LEMD3: variants seen among roughly 807,000 people sequenced by gnomAD.
LEMD3 encodes inner nuclear membrane protein Man1.
LEMD3 carries 33 observed loss-of-function variants against 95.2 expected under a neutral mutation model. The ratio of observed to expected loss-of-function variants is 0.35; its 90% CI spans 0.26 to 0.46. LEMD3 has a LOEUF of 0.46. LEMD3 is among the 20% of genes least tolerant of loss of function. The pLI is 1.00. For synonymous variants in LEMD3, 525 were observed against 474.6 expected (o/e 1.11, Z -1.38); for missense variants, 1,210 against 1,192.8 (o/e 1.01, Z -0.21).
chr12:65,215,076 T>G (rs1286801469), intron 2 of LEMD3, among the ~76,000 whole-genome samples: 4 of 152,214 alleles, frequency 2.6e-5, no homozygotes, highest in African/African-American at 9.6e-5. Flanking sequence ...AGTCAAACTC[T>G]CTGTCTTGCT....
chr12:65,229,524 C>T (rs1050464111), intron 4 of LEMD3, among the ~76,000 whole-genome samples: 6 of 152,196 alleles, frequency 3.9e-5, no homozygotes, highest in Admixed American at 2.6e-4. Flanking sequence ...TCCCCTTTCT[C>T]TGCATCCTCG....
At chr12:65,210,564 CATT>C in intron 1 of LEMD3, among the ~76,000 whole-genome samples, 1 of 152,166 alleles carries the variant, frequency 6.6e-6, no homozygotes, top group South Asian at 2.1e-4. Context: ...AGGTAGGTAT[CATT>C]GTTATCCATA....
At chr12:65,246,081 A>T (rs886851336) in intron 12 of LEMD3, 81 bp from the exon 13 acceptor site, 47 of 1,284,532 alleles carry the variant, frequency 3.7e-5, no homozygotes, top group Non-Finnish European at 5.0e-5. Context: ...TTTTGTGCTC[A>T]TATGTCTTTT....
At chr12:65,222,507 ATTC>A (rs1281598843) in intron 4 of LEMD3, among the ~76,000 whole-genome samples, 6 of 152,272 alleles carry the variant, frequency 3.9e-5, no homozygotes, top group East Asian at 3.9e-4. Flanking sequence ...ATTGGCATTA[ATTC>A]TTCTTTAATA....
intron 1 of LEMD3, among the ~76,000 whole-genome samples, chr12:65,194,822 G>A (rs1161329807): frequency 5.8e-5 from 8 of 136,784 alleles, no homozygotes; most frequent in African/African-American, 2.0e-4. Flanking sequence ...TTATACTTTA[G>A]ATTATAATTT....
chr12:65,244,714 G>A (rs971117157), intron 10 of LEMD3, among the ~76,000 whole-genome samples: 3 of 152,098 alleles, frequency 2.0e-5, no homozygotes, highest in Admixed American at 1.3e-4. Flanking sequence ...TTGGGAAGCC[G>A]AGGTGGGTGG....
intron 3 of LEMD3, among the ~76,000 whole-genome samples, chr12:65,217,009 A>G (rs1870130838): frequency 6.6e-6 from 1 of 152,224 alleles, no homozygotes; most frequent in Non-Finnish European, 1.5e-5. Flanking sequence ...TATGCTAGTT[A>G]TGCTAGCTAG....
Position 65,238,549 on chromosome 12 carries a change from G to T in LEMD3, c.1743G>T (p.Trp581Cys). The T allele has an allele frequency of 6.2e-7, 1 of 1,612,176 alleles. No homozygotes were observed. Among genetic ancestry groups the T allele is most frequent in the South Asian group, 1.1e-5 (1 of 91,020 alleles). ...YEGIFNTSLQ[W>C]ILENGKDVGI... ...GTATATTTAACACTTCATTGCAGTG[G>T]ATCTTAGAAAATGGAAAAGATGTTG... Residue 581 changes from tryptophan to cysteine, a missense_variant, in exon 5 of 13, where the codon TGG becomes TGT. Physicochemically the swap from Trp to Cys is radical, Grantham distance 215. This residue lies in a region of LEMD3 where 461 missense variants were observed against 569.8 expected (regional missense o/e 0.81). Transcript: ENST00000308330.
intron 9 of LEMD3, among the ~76,000 whole-genome samples, chr12:65,242,434 C>G (rs2136356333): frequency 6.6e-6 from 1 of 152,172 alleles, no homozygotes; most frequent in African/African-American, 2.4e-5. Flanking sequence ...GATTTTTGTA[C>G]CCAACTATAT....
chr12:65,224,077 AT>A (rs1424318702), intron 4 of LEMD3, among the ~76,000 whole-genome samples: 1 of 152,054 alleles, frequency 6.6e-6, no homozygotes, highest in Non-Finnish European at 1.5e-5. Context: ...TCATCAACAT[AT>A]TTTTATAAAG....
intron 1 of LEMD3, among the ~76,000 whole-genome samples, chr12:65,192,170 T>C (rs560556967): frequency 1.9e-4 from 29 of 151,738 alleles, no homozygotes; most frequent in African/African-American, 6.3e-4. Context: ...AGCAAAGACC[T>C]AATAAAGCAA....
chr12:65,234,475 T>G (rs1038333882), intron 4 of LEMD3, among the ~76,000 whole-genome samples: 1 of 152,170 alleles, frequency 6.6e-6, no homozygotes, highest in Non-Finnish European at 1.5e-5. Flanking sequence ...AAAATTCCAT[T>G]TTCTAATACT....
At chr12:65,209,075 C>T (rs991349674) in intron 1 of LEMD3, among the ~76,000 whole-genome samples, 6 of 152,008 alleles carry the variant, frequency 3.9e-5, no homozygotes, top group African/African-American at 9.7e-5. Flanking sequence ...AGAAGAGTGC[C>T]GAGATAGCAC....
At chr12:65,212,683 C>G (rs560487837) in intron 2 of LEMD3, among the ~76,000 whole-genome samples, 74 of 152,170 alleles carry the variant, frequency 4.9e-4, no homozygotes, top group African/African-American at 1.7e-3. Context: ...ATAGTCTGGG[C>G]CTTACTAAAA....
intron 4 of LEMD3, among the ~76,000 whole-genome samples, chr12:65,221,295 C>A (rs948470135): frequency 2.6e-5 from 4 of 151,088 alleles, no homozygotes; most frequent in Non-Finnish European, 5.9e-5. Flanking sequence ...TTTTCTTAAC[C>A]TCCTTTTCAG....
intron 1 of LEMD3, among the ~76,000 whole-genome samples, chr12:65,202,905 T>C (rs1349228528): frequency 6.6e-6 from 1 of 152,142 alleles, no homozygotes; most frequent in Non-Finnish European, 1.5e-5. Context: ...TCCCCTTTTA[T>C]TTCTGATATT....
intron 4 of LEMD3, among the ~76,000 whole-genome samples, chr12:65,237,804 C>A (rs1870815109): frequency 6.6e-6 from 1 of 152,172 alleles, no homozygotes; most frequent in Non-Finnish European, 1.5e-5. Flanking sequence ...GTAACCCGGT[C>A]AGTTTTTCTT....
At position 65,170,362 on chromosome 12, in the gene LEMD3, G is replaced by A. The variant is rs1408252506; in HGVS notation, c.766G>A (p.Glu256Lys). ...CCGGCTTGTCCCCTACAGCTGCCGGGAAAACTATTCGGACTCAGAGGAAGA... is the reference window on the plus strand; with the variant it reads ...CCGGCTTGTCCCCTACAGCTGCCGGAAAAACTATTCGGACTCAGAGGAAGA... ...GSRLVPYSCR[E>K]NYSDSEEEDD... The change falls in exon 1 of 13, where the codon GAA becomes AAA. Residue 256 changes from glutamate to lysine, a missense_variant. Physicochemically the swap from Glu to Lys is moderately conservative, Grantham distance 56. This residue lies in a region of LEMD3 where 749 missense variants were observed against 622.9 expected (regional missense o/e 1.20). Coordinates refer to ENST00000308330, the MANE Select transcript of LEMD3 (RefSeq NM_014319.5). 3 of 1,612,790 alleles carry A rather than the reference G, an allele frequency of 1.9e-6. No individual in the cohort carries two copies. Among genetic ancestry groups the A allele is most frequent in the Non-Finnish European group, 2.5e-6 (3 of 1,179,394 alleles).
intron 4 of LEMD3, among the ~76,000 whole-genome samples, chr12:65,222,466 C>A (rs1870319514): frequency 6.6e-6 from 1 of 152,050 alleles, no homozygotes; most frequent in African/African-American, 2.4e-5. Flanking sequence ...TTGTTTCATC[C>A]TTTTCAATTT....
Sources: gnomAD v4.1 joint callset for allele counts (sites outside exome capture counted in the v4.1 genomes callset) on GRCh38, gnomAD v4.1.1 for gene constraint, gnomAD v4.1.1 regional missense constraint, MANE v1.5 for transcripts, NCBI Gene and HGNC (gene_info 2026-07-23, HGNC 2026-07-21) for gene names.